Variants in CORO2A observed in about 807,000 individuals in gnomAD.
CORO2A encodes the protein coronin 2A.
In CORO2A, 47 loss-of-function variants were observed where a neutral mutation model predicts 62.4. That is an observed-to-expected ratio of 0.75 (90% confidence interval 0.60 to 0.96). The LOEUF (loss-of-function observed/expected upper bound fraction) is 0.96. CORO2A is among the 40% of genes least tolerant of loss of function. The probability of loss-of-function intolerance (pLI) is 0.00; values close to 1 mark genes in which losing one functional copy is unlikely to be tolerated. For missense variants in CORO2A, 610 were observed against 684.1 expected, an observed-to-expected ratio of 0.89 and a Z score of 1.21; for synonymous variants, 273 against 268.9, an observed-to-expected ratio of 1.02 and a Z score of -0.15.
At chr9:98,171,946 A>G (rs896328695) in intron 1 of CORO2A, among the ~76,000 whole-genome samples, 3 of 152,094 alleles carry the variant, frequency 2.0e-5, no homozygotes, top group Non-Finnish European at 4.4e-5. Flanking sequence ...AAGTCAGGAC[A>G]TTGAGCCTGG....
chr9:98,134,137 A>G (rs1342090435), intron 4 of CORO2A, among the ~76,000 whole-genome samples: 1 of 152,218 alleles, frequency 6.6e-6, no homozygotes, highest in Non-Finnish European at 1.5e-5. Flanking sequence ...CTGAAAGGCC[A>G]TAGCTATGGT....
In CORO2A at chr9:98,130,491, A is replaced by G. The variant is rs1344981508; in HGVS notation, c.870+464T>C. On this transcript the variant is annotated intron_variant, in intron 7 of 11. Transcript: ENST00000375077. ...GAAGACAAGTCCAAATCCCGCTCCT[A>G]TCTGAGAGCAGCAGCAAAAGTCAGA... is the stretch of plus-strand genomic sequence containing the variant. Among the ~76,000 whole-genome samples, 4 of 152,224 alleles carry G rather than the reference A, an allele frequency of 2.6e-5. No individual in the cohort carries two copies. The East Asian group carries it at 7.7e-4, about 29-fold the overall frequency.
intron 2 of CORO2A, among the ~76,000 whole-genome samples, chr9:98,140,602 C>T (rs570863156): frequency 3.2e-4 from 48 of 152,264 alleles, no homozygotes; most frequent in African/African-American, 1.1e-3. Context: ...TGTCACCAAG[C>T]TCAGCTAATT....
In CORO2A at chr9:98,126,804, A is replaced by G; in HGVS notation, c.1191T>C (p.Leu397=). The change falls in exon 11 of 12, where the codon CTT becomes CTC. Residue 397 remains leucine (L), a synonymous_variant. Transcript: ENST00000375077. ...GMNRDPILVS[L]RPGSELLRPH... ...GTCTCAGCAGCTCAGAGCCAGGCCT[A>G]AGGGACACCAGGATTGGGTCTGGAA... is the stretch of plus-strand genomic sequence containing the variant. The G allele has an allele frequency of 1.2e-6, 2 of 1,614,146 alleles. No individual in the cohort carries two copies. Among genetic ancestry groups the G allele is most frequent in the Non-Finnish European group, 1.7e-6 (2 of 1,180,026 alleles).
At chr9:98,157,097 C>T (rs2093697) in intron 2 of CORO2A, among the ~76,000 whole-genome samples, 1 of 152,154 alleles carries the variant, frequency 6.6e-6, no homozygotes, top group African/African-American at 2.4e-5. Context: ...AGTTTTGACT[C>T]AATGTTTGTT....
chr9:98,141,279 C>A (rs1827562425), intron 2 of CORO2A, among the ~76,000 whole-genome samples: 1 of 151,568 alleles, frequency 6.6e-6, no homozygotes, highest in African/African-American at 2.4e-5. Flanking sequence ...AGGGCGGTAC[C>A]TGGAGCTAGG....
At chr9:98,182,215 C>T (rs1828186088) in intron 1 of CORO2A, among the ~76,000 whole-genome samples, 2 of 152,258 alleles carry the variant, frequency 1.3e-5, no homozygotes, top group Admixed American at 6.5e-5. Flanking sequence ...AGTAATCAAT[C>T]GTGAACAAAG....
Position 98,133,046 on chromosome 9 carries a change from C to T in CORO2A, c.640G>A (p.Val214Ile), listed in dbSNP as rs201711318. The change falls in exon 5 of 12, where the codon GTC (valine) becomes ATC (isoleucine). Residue 214 changes from valine (V) to isoleucine (I), a missense_variant. By Grantham distance (29) the Val-to-Ile change is conservative. Transcript: ENST00000375077. The part of the protein sequence containing the change: ...IRVIDPRAGT[V>I]LQEASYKGHR... The stretch of plus-strand genomic sequence containing the variant: ...CCTGGCCCAGAACTGACCTGGAGGA[C>T]GGTCCCTGCTCGGGGGTCAATAACC... The T allele has an allele frequency of 7.0e-5, 113 of 1,614,138 alleles. No individual in the cohort carries two copies. The highest frequency in any genetic ancestry group is 1.5e-4 in the South Asian group (14 of 91,078).
intron 1 of CORO2A, among the ~76,000 whole-genome samples, chr9:98,163,265 C>T (rs1827911301): frequency 6.6e-6 from 1 of 152,242 alleles, no homozygotes; most frequent in Admixed American, 6.5e-5. Flanking sequence ...TCTCAGCTCA[C>T]TGCAACCTCT....
At chr9:98,183,173 CA>C (rs112175052) in intron 1 of CORO2A, among the ~76,000 whole-genome samples, 41,267 of 152,022 alleles carry the variant, frequency 0.27, 5,628 homozygotes, top group East Asian at 0.4. Flanking sequence ...GAAAGCGGCC[CA>C]AACTTCAGCA....
At chr9:98,134,761 G>A (rs749982634) in intron 4 of CORO2A, 45 bp downstream of exon 4, 1 of 1,546,910 alleles carries the variant, frequency 6.5e-7, no homozygotes, top group South Asian at 1.2e-5. Context: ...TCCAGTTTGT[G>A]GGAACTTGTT....
At chr9:98,178,777 G>A (rs1024843534) in intron 1 of CORO2A, among the ~76,000 whole-genome samples, 1 of 152,212 alleles carries the variant, frequency 6.6e-6, no homozygotes, top group Non-Finnish European at 1.5e-5. Context: ...ACCCCAATGT[G>A]CATCTTGCAT....
At chr9:98,128,066 T>C (rs1215567067) in intron 10 of CORO2A, 104 bp downstream of exon 10, 16 of 880,618 alleles carry the variant, frequency 1.8e-5, no homozygotes, top group Non-Finnish European at 1.5e-5. Context: ...TCTGAGGTCA[T>C]GAGAGAAGAA....
At position 98,132,219 on chromosome 9, in the gene CORO2A, C is replaced by A. The variant is rs1224748259; in HGVS notation, c.731G>T (p.Arg244Leu). Residue 244 changes from arginine (R) to leucine (L), a missense_variant, in exon 6 of 12, where the codon CGA becomes CTA. Physicochemically the swap from Arg to Leu is moderately radical, Grantham distance 102. Transcript: ENST00000375077. ...CAAGGCCACCTGCCGGTTGTTCCAT[C>A]GGGATGTGCCTGTGGACATCAGCTT... is the stretch of plus-strand genomic sequence containing the variant. ...LKKLMSTGTSRWNNRQVALWD... is the reference protein window; with the variant it reads ...LKKLMSTGTSLWNNRQVALWD... 6.2e-7 allele frequency: 1 copy of A among 1,614,166 alleles called. No homozygotes were observed. The highest frequency in any genetic ancestry group is 8.5e-7 in the Non-Finnish European group (1 of 1,180,018).
intron 1 of CORO2A, among the ~76,000 whole-genome samples, chr9:98,182,355 C>G (rs915369347): frequency 6.6e-6 from 1 of 152,184 alleles, no homozygotes; most frequent in Non-Finnish European, 1.5e-5. Context: ...GCAGGCCACA[C>G]AGGCCGAGCC....
At chr9:98,188,038 C>T (rs917081110) in intron 1 of CORO2A, among the ~76,000 whole-genome samples, 1 of 152,206 alleles carries the variant, frequency 6.6e-6, no homozygotes, top group Non-Finnish European at 1.5e-5. Context: ...CACAGTCTAG[C>T]CCAGGGCCTG....
At chr9:98,186,239 C>T (rs986875969) in intron 1 of CORO2A, among the ~76,000 whole-genome samples, 1 of 149,810 alleles carries the variant, frequency 6.7e-6, no homozygotes, top group Non-Finnish European at 1.5e-5. Context: ...TTGGGCCTTA[C>T]TTTACCTATC....
rs1827252803 is a variant in CORO2A, at chr9:98,122,251, G to A, written c.*2523C>T. The A allele has an allele frequency of 6.6e-6, 1 of 152,130 alleles. No homozygotes were observed. The highest frequency in any genetic ancestry group is 1.5e-5 in the Non-Finnish European group (1 of 68,048). 9.4% of individuals were successfully genotyped at this position (152,130 alleles called of 1,614,324 possible). A position where few individuals can be genotyped will look rare whatever the true frequency, so the allele number is the denominator to read the frequency against. ...ACACATGCAGTCTTCCATCTTCACT[G>A]TACTGCAGATCACCTGTGGAGCTTA... On this transcript the variant is annotated 3_prime_UTR_variant, in exon 12 of 12. Coordinates refer to ENST00000375077, the MANE Select transcript of CORO2A (RefSeq NM_052820.4).
In CORO2A at chr9:98,157,500, C is replaced by T. The variant is rs1339437930; in HGVS notation, c.161G>A (p.Cys54Tyr). 10 of 1,614,092 alleles carry T rather than the reference C, an allele frequency of 6.2e-6. No individual in the cohort carries two copies. The highest frequency in any genetic ancestry group is 8.5e-6 in the Non-Finnish European group (10 of 1,180,054). ...NPHFIAVVTE[C>Y]AGGGAFLVIP... ...GACGAGGAAGGCCCCTCCACCAGCA[C>T]ACTCAGTCACAACTGCAATGAAGTG... Residue 54 changes from cysteine to tyrosine, a missense_variant, in exon 2 of 12, where the codon TGT (cysteine) becomes TAT (tyrosine). Physicochemically the swap from Cys to Tyr is radical, Grantham distance 194 (BLOSUM62 -2). Transcript: ENST00000375077.
Sources: gnomAD v4.1 joint callset for allele counts (sites outside exome capture counted in the v4.1 genomes callset) on GRCh38, gnomAD v4.1.1 for gene constraint, MANE v1.5 for transcripts, NCBI Gene and HGNC (gene_info 2026-07-23, HGNC 2026-07-21) for gene names.